TAF4: variants seen among roughly 807,000 people sequenced by gnomAD.
TAF4 encodes the protein TATA-box binding protein associated factor 4, also known as transcription initiation factor TFIID subunit 4.
In TAF4, 9 loss-of-function variants were observed where a neutral mutation model predicts 90.3. The observed-to-expected ratio is 0.10, with a 90% CI of 0.06 to 0.17. The LOEUF is 0.17. Ranked by LOEUF, TAF4 falls within the 10% of genes least tolerant of loss-of-function variation. The probability of loss-of-function intolerance (pLI) is 1.00; values close to 1 mark genes in which losing one functional copy is unlikely to be tolerated. For synonymous variants in TAF4, 818 were observed against 638.9 expected (o/e 1.28, Z -4.23); for missense variants, 1,351 against 1,370.7 (o/e 0.99, Z 0.23).
intron 1 of TAF4, among the ~76,000 whole-genome samples, chr20:62,018,949 G>A (rs2055827815): frequency 6.6e-6 from 1 of 152,072 alleles, no homozygotes; most frequent in South Asian, 2.1e-4. Context: ...GGCCACTGTG[G>A]CCACCGCCGC....
chr20:62,008,992 G>A lies in TAF4; in HGVS notation c.1884+60C>T, dbSNP rs1315120729. On this transcript the variant is annotated intron_variant, in intron 5 of 14. Transcript: ENST00000252996. ...CCGGGCACAGGTCACAGCAGCAACA[G>A]GTGTCTGTCCTATGCAACAGGCTTT... 5 of 1,565,558 alleles carry A rather than the reference G, an allele frequency of 3.2e-6. No homozygotes were observed. In the Admixed American group the frequency reaches 7.7e-5, roughly 24 times the overall value.
chr20:62,003,651 A>G (rs974843831), intron 8 of TAF4, 80 bp downstream of exon 8: 4 of 1,449,070 alleles, frequency 2.8e-6, no homozygotes, highest in African/African-American at 2.9e-5. Context: ...CATTTTACCC[A>G]ATTAAATAAA....
At chr20:62,028,108 T>C (rs1437235010) in intron 1 of TAF4, among the ~76,000 whole-genome samples, 2 of 152,144 alleles carry the variant, frequency 1.3e-5, no homozygotes, top group Non-Finnish European at 2.9e-5. Flanking sequence ...CCTAAAGCAC[T>C]GAGCAGAGGC....
chr20:61,987,127 A>C (rs964639371), intron 14 of TAF4, among the ~76,000 whole-genome samples: 1 of 152,204 alleles, frequency 6.6e-6, no homozygotes, highest in East Asian at 1.9e-4. Flanking sequence ...CTCCCAATCC[A>C]GTGCTCTGAG....
chr20:61,998,288 A>G (rs1240546000), intron 12 of TAF4, 96 bp from the exon 13 acceptor site: 9 of 1,279,650 alleles, frequency 7.0e-6, no homozygotes, highest in Non-Finnish European at 9.6e-6. Context: ...AATAACATCT[A>G]GGTAATGTTA....
At chr20:62,063,285 C>G (rs1008241651) in intron 1 of TAF4, among the ~76,000 whole-genome samples, 1 of 152,234 alleles carries the variant, frequency 6.6e-6, no homozygotes, top group South Asian at 2.1e-4. Context: ...TTCTGCAACC[C>G]TGTCAAAGTG....
intron 1 of TAF4, among the ~76,000 whole-genome samples, chr20:62,040,538 C>T (rs1350686539): frequency 6.6e-6 from 1 of 152,234 alleles, no homozygotes; most frequent in Non-Finnish European, 1.5e-5. Context: ...GTGGTGGTGA[C>T]GTGACTATCG....
intron 14 of TAF4, among the ~76,000 whole-genome samples, chr20:61,988,929 T>C (rs951808912): frequency 1.3e-5 from 2 of 152,154 alleles, no homozygotes; most frequent in African/African-American, 2.4e-5. Context: ...AGTTCATCAA[T>C]GTGCCTTTCC....
At chr20:62,013,950 T>TGTGA (rs1491288481) in intron 2 of TAF4, among the ~76,000 whole-genome samples, 230 of 126,298 alleles carry the variant, frequency 1.8e-3, no homozygotes, top group Non-Finnish European at 1.7e-3. Flanking sequence ...TGTGTGTGTG[T>TGTGA]GAATCCGTGC....
chr20:62,052,783 A>C (rs1208775433), intron 1 of TAF4, among the ~76,000 whole-genome samples: 1 of 116,228 alleles, frequency 8.6e-6, no homozygotes, highest in Non-Finnish European at 1.8e-5. Flanking sequence ...CACCCCCACA[A>C]CACCAGGTCC....
At chr20:62,064,161 TAA>T (rs1477956909) in intron 1 of TAF4, 4 of 349,966 alleles carry the variant, frequency 1.1e-5, no homozygotes, top group Admixed American at 9.6e-5. Flanking sequence ...ACCACTCCAC[TAA>T]GAGTCCTGGC....
chr20:62,014,224 A>G (rs1182495976), intron 2 of TAF4, among the ~76,000 whole-genome samples: 1 of 152,020 alleles, frequency 6.6e-6, no homozygotes, highest in Admixed American at 6.5e-5. Flanking sequence ...AGGCACAGGA[A>G]GGTGAAGCCA....
intron 14 of TAF4, among the ~76,000 whole-genome samples, chr20:61,981,680 C>T (rs754661562): frequency 2.0e-5 from 3 of 151,966 alleles, no homozygotes; most frequent in Non-Finnish European, 2.9e-5. Flanking sequence ...GAGAGCTGGG[C>T]GAATCTCCCC....
chr20:62,026,797 A>G (rs2055877561), intron 1 of TAF4, among the ~76,000 whole-genome samples: 1 of 152,190 alleles, frequency 6.6e-6, no homozygotes, highest in Non-Finnish European at 1.5e-5. Context: ...GCTGGGCCCA[A>G]CACTCTCCCC....
At position 62,003,755 on chromosome 20, in the gene TAF4, T is replaced by C. The variant is rs1741180711; in HGVS notation, c.2347A>G (p.Ile783Val). 1.2e-6 allele frequency: 2 copies of C among 1,604,308 alleles called. No individual in the cohort carries two copies. The highest frequency in any genetic ancestry group is 3.4e-5 in the Admixed American group (2 of 59,536). Residue 783 changes from isoleucine to valine, a missense_variant, in exon 8 of 15, where the codon ATC becomes GTC. Physicochemically the swap from Ile to Val is conservative, Grantham distance 29. Transcript: ENST00000252996. Reference sequence around the variant, plus strand: ...CCTGGCTGCAGTGGGTTCAGCTGGATCTGCTGAGGCGTGGTGAGCATGATC... The same window carrying C: ...CCTGGCTGCAGTGGGTTCAGCTGGACCTGCTGAGGCGTGGTGAGCATGATC... ...NRIMLTTPQQ[I>V]QLNPLQPVPV...
chr20:61,977,048 C>T (rs2123084104), intron 14 of TAF4, among the ~76,000 whole-genome samples: 1 of 131,726 alleles, frequency 7.6e-6, no homozygotes, highest in Non-Finnish European at 1.7e-5. Flanking sequence ...ACGCGCCACA[C>T]ACACGACACC....
chr20:61,978,010 G>T (rs952067771), intron 14 of TAF4, among the ~76,000 whole-genome samples: 1 of 152,182 alleles, frequency 6.6e-6, no homozygotes. Context: ...ATATTCTAAC[G>T]CAAGTGTCAG....
At chr20:61,994,736 T>TC (rs1178593215) in intron 14 of TAF4, among the ~76,000 whole-genome samples, 6 of 152,152 alleles carry the variant, frequency 3.9e-5, no homozygotes, top group Admixed American at 1.3e-4. Flanking sequence ...CCTGACCCTG[T>TC]CCCAGAGTGC....
intron 6 of TAF4, chr20:62,007,034 T>A (rs2055750628): frequency 8.3e-6 from 3 of 359,530 alleles, no homozygotes; most frequent in South Asian, 2.5e-4. Context: ...TATGTTAACA[T>A]CACTGGAAGA....
Sources: gnomAD v4.1 joint callset for allele counts (sites outside exome capture counted in the v4.1 genomes callset) on GRCh38, gnomAD v4.1.1 for gene constraint, MANE v1.5 for transcripts, NCBI Gene and HGNC (gene_info 2026-07-23, HGNC 2026-07-21) for gene names.